Variants in PAM observed in about 807,000 individuals in gnomAD.
PAM encodes peptidylglycine alpha-amidating monooxygenase.
PAM carries 72 observed loss-of-function variants against 122.1 expected under a neutral mutation model. The observed-to-expected ratio is 0.59, with a 90% CI of 0.49 to 0.72. The LOEUF (loss-of-function observed/expected upper bound fraction) is 0.72, where lower values mean the gene tolerates loss of function less well. Ranked by LOEUF, PAM falls within the 30% of genes least tolerant of loss-of-function variation. PAM has a pLI of 0.00. For missense variants in PAM, 1,106 were observed against 1,183.7 expected (o/e 0.93, Z 0.96); for synonymous variants, 389 against 404.4 (o/e 0.96, Z 0.46).
chr5:102,873,148 G>A (rs1788063331), intron 3 of PAM: 1 of 151,892 alleles, frequency 6.6e-6, no homozygotes. Context: ...GTACTTTAGG[G>A]GTTGTGATTT....
intron 1 of PAM, among the ~76,000 whole-genome samples, chr5:102,809,056 C>T (rs534866352): frequency 1.3e-5 from 2 of 152,264 alleles, no homozygotes; most frequent in South Asian, 2.1e-4. Flanking sequence ...TTTTCTCTGA[C>T]GGTATGCCTT....
chr5:102,813,622 T>G (rs1302037942), intron 1 of PAM, among the ~76,000 whole-genome samples: 1 of 152,226 alleles, frequency 6.6e-6, no homozygotes, highest in African/African-American at 2.4e-5. Flanking sequence ...CAGAAAGACA[T>G]GCAATTATTG....
At chr5:102,812,182 A>G (rs938523463) in intron 1 of PAM, among the ~76,000 whole-genome samples, 5 of 152,198 alleles carry the variant, frequency 3.3e-5, no homozygotes, top group African/African-American at 4.8e-5. Flanking sequence ...GTTATGCCCT[A>G]TACAGTTTCC....
Position 102,841,406 on chromosome 5 carries a change from T to TACACACACACAC in PAM, c.-373-24389_-373-24378dup, listed in dbSNP as rs35825092. On this transcript the variant is annotated intron_variant, in intron 1 of 25. Coordinates refer to ENST00000438793, the MANE Select transcript of PAM (RefSeq NM_001177306.2). ...CTGTTCATTCTCAAACACCTACAAA[T>TACACACACACAC]ACACACACACACACACACACACACA... Among the ~76,000 whole-genome samples, 1,169 of 138,524 alleles carry TACACACACACAC rather than the reference T, an allele frequency of 8.4e-3. 14 individuals are homozygous for TACACACACACAC. The highest frequency in any genetic ancestry group is 0.047 in the East Asian group (218 of 4,674). 90.9% of individuals were successfully genotyped at this position (138,524 alleles called of 152,430 possible). A position where few individuals can be genotyped will look rare whatever the true frequency, so the allele number is the denominator to read the frequency against.
At chr5:102,773,511 TG>T (rs1200562552) in intron 1 of PAM, among the ~76,000 whole-genome samples, 3 of 152,134 alleles carry the variant, frequency 2.0e-5, no homozygotes, top group Non-Finnish European at 4.4e-5. Context: ...ATGATTTTTA[TG>T]TGTCACAAAG....
intron 1 of PAM, among the ~76,000 whole-genome samples, chr5:102,817,512 T>C (rs912118802): frequency 6.6e-6 from 1 of 152,188 alleles, no homozygotes; most frequent in Non-Finnish European, 1.5e-5. Flanking sequence ...TTAAATGTGA[T>C]ATATTTTTAA....
intron 1 of PAM, among the ~76,000 whole-genome samples, chr5:102,853,746 C>T (rs576869877): frequency 1.3e-5 from 2 of 152,168 alleles, no homozygotes; most frequent in Non-Finnish European, 2.9e-5. Flanking sequence ...TTCAAGTCTG[C>T]GCCCTCATTT....
intron 14 of PAM, among the ~76,000 whole-genome samples, chr5:102,966,796 T>C (rs1267694325): frequency 6.6e-6 from 1 of 152,110 alleles, no homozygotes; most frequent in Non-Finnish European, 1.5e-5. Context: ...AACATCCTAT[T>C]TACTCTCCTT....
intron 15 of PAM, 86 bp downstream of exon 15, chr5:102,974,522 G>A (rs953604960): frequency 4.8e-5 from 40 of 829,130 alleles, no homozygotes; most frequent in South Asian, 3.5e-4. Flanking sequence ...GAATTAATGG[G>A]TGAAAAAATT....
chr5:102,864,625 AGC>A (rs1192412014), intron 1 of PAM: 2 of 152,158 alleles, frequency 1.3e-5, no homozygotes, highest in Non-Finnish European at 2.9e-5. Flanking sequence ...GTTTTAGATT[AGC>A]TTCACTATCT....
chr5:102,994,501 T>G (rs974810177), intron 16 of PAM, among the ~76,000 whole-genome samples: 4 of 152,166 alleles, frequency 2.6e-5, no homozygotes, highest in African/African-American at 9.6e-5. Flanking sequence ...GTGGTCATAG[T>G]ACCTCACATA....
chr5:102,973,674 A>T (rs949531390), intron 14 of PAM, among the ~76,000 whole-genome samples: 4 of 152,192 alleles, frequency 2.6e-5, no homozygotes, highest in Middle Eastern at 3.2e-3. Flanking sequence ...CCTGCTCAAG[A>T]AATGTATATT....
chr5:102,872,411 A>T (rs1205095000), intron 3 of PAM, among the ~76,000 whole-genome samples: 1 of 152,198 alleles, frequency 6.6e-6, no homozygotes, highest in Non-Finnish European at 1.5e-5. Flanking sequence ...ACTCCTACAA[A>T]ATGTTCTCAA....
chr5:102,763,469 A>T (rs1752990838), intron 1 of PAM, among the ~76,000 whole-genome samples: 1 of 152,180 alleles, frequency 6.6e-6, no homozygotes, highest in African/African-American at 2.4e-5. Context: ...GAGGAAGACA[A>T]TCCCTAATAA....
intron 7 of PAM, among the ~76,000 whole-genome samples, chr5:102,929,484 C>T (rs562278898): frequency 2.0e-4 from 31 of 152,190 alleles, no homozygotes; most frequent in African/African-American, 7.2e-4. Flanking sequence ...GATTTTATTT[C>T]GTGGTTTTAA....
intron 1 of PAM, among the ~76,000 whole-genome samples, chr5:102,786,563 T>C (rs1490962626): frequency 1.3e-5 from 2 of 152,154 alleles, no homozygotes; most frequent in Non-Finnish European, 2.9e-5. Context: ...AAACTAGTGA[T>C]TTCTAGGAAT....
chr5:102,779,604 G>A (rs1758063130), intron 1 of PAM, among the ~76,000 whole-genome samples: 1 of 151,954 alleles, frequency 6.6e-6, no homozygotes, highest in African/African-American at 2.4e-5. Flanking sequence ...TTGAGTCAGT[G>A]GGCTGGGGAA....
At chr5:102,985,159 T>G (rs930784513) in intron 15 of PAM, among the ~76,000 whole-genome samples, 2 of 151,482 alleles carry the variant, frequency 1.3e-5, no homozygotes, top group African/African-American at 4.9e-5. Flanking sequence ...AACTTAACAA[T>G]GCACTTCAAA....
intron 12 of PAM, among the ~76,000 whole-genome samples, chr5:102,954,676 A>T (rs11954961): frequency 1.3e-5 from 2 of 152,158 alleles, no homozygotes. Context: ...TATATTCAGG[A>T]TGATACTTCT....
Sources: allele counts gnomAD v4.1 joint callset (sites outside exome capture counted in the v4.1 genomes callset), GRCh38; gene constraint gnomAD v4.1.1; transcripts MANE v1.5; gene names NCBI Gene and HGNC (gene_info 2026-07-23, HGNC 2026-07-21).